The following MSANTD7 variants were observed in gnomAD, a reference collection of about 807,000 sequenced individuals.
The protein encoded by MSANTD7 is zinc finger and SCAN domain containing 29.
the MSANTD7 span, chr10:14,844,012 A>C: frequency 6.9e-7 from 1 of 1,454,612 alleles, no homozygotes; most frequent in South Asian, 1.5e-5. Context: ...TGAACCATTT[A>C]TATCCAGATA....
the MSANTD7 span, chr10:14,844,729 T>C: frequency 9.3e-6 from 9 of 964,668 alleles, no homozygotes; most frequent in East Asian, 3.4e-4. Flanking sequence ...ATTAAATATA[T>C]GTAAATTCTT....
chr10:14,838,328 G>A, the MSANTD7 span: 4 of 1,434,150 alleles, frequency 2.8e-6, no homozygotes, highest in African/African-American at 4.2e-5. Flanking sequence ...GGTGCCTGAT[G>A]GGGCCGTTGG....
chr10:14,839,966 C>A, the MSANTD7 span: 8 of 1,611,408 alleles, frequency 5.0e-6, no homozygotes, highest in African/African-American at 1.1e-4. Flanking sequence ...GCTGTTGTTG[C>A]TTACTCAGAA....
the MSANTD7 span, chr10:14,842,052 C>T: frequency 9.8e-7 from 1 of 1,017,998 alleles, no homozygotes. This position sits in a 1 kb window ranked among gnomAD's most constrained non-coding sequence, Gnocchi z 5.2. Flanking sequence ...TTATGACCTA[C>T]TCACAGGTAG....
the MSANTD7 span, chr10:14,845,603 T>A: frequency 4.2e-5 from 38 of 911,402 alleles, no homozygotes; most frequent in Admixed American, 1.4e-3. Flanking sequence ...TTATTATTTT[T>A]TTTTTTTTGA....
the MSANTD7 span, chr10:14,843,967 G>A: frequency 2.3e-5 from 34 of 1,508,864 alleles, no homozygotes; most frequent in Non-Finnish European, 3.0e-5. Flanking sequence ...CTGAATCCCT[G>A]GCTCCTTTTC....
chr10:14,844,143 C>T, the MSANTD7 span: 1 of 1,316,198 alleles, frequency 7.6e-7, no homozygotes, highest in Non-Finnish European at 9.7e-7. Context: ...GCTGGTTCAT[C>T]CTAGCTTTGT....
At chr10:14,842,245 T>G in the MSANTD7 span, 1 of 1,535,574 alleles carries the variant, frequency 6.5e-7, no homozygotes, top group Non-Finnish European at 8.7e-7. The surrounding 1 kb of genome is among the most constrained non-coding windows in gnomAD (Gnocchi z 5.2). Flanking sequence ...ACTTGCACCT[T>G]GCTGTCCAGA....
the MSANTD7 span, chr10:14,845,362 C>T: frequency 1.3e-5 from 13 of 985,032 alleles, no homozygotes; most frequent in East Asian, 1.1e-4. Flanking sequence ...CTTGCAGGCT[C>T]GAGTGCTTAG....
At chr10:14,846,874 C>T in the MSANTD7 span, 1 of 985,392 alleles carries the variant, frequency 1.0e-6, no homozygotes, top group South Asian at 4.7e-5. Flanking sequence ...GATACACAAC[C>T]ATAGGATTAA....
the MSANTD7 span, chr10:14,842,723 G>A: frequency 1.4e-5 from 22 of 1,536,440 alleles, no homozygotes; most frequent in African/African-American, 4.1e-5. The surrounding 1 kb of genome is among the most constrained non-coding windows in gnomAD (Gnocchi z 5.2). Context: ...GACTCAGGCA[G>A]CTGATCATCA....
chr10:14,840,501 A>AT, the MSANTD7 span, among the ~76,000 whole-genome samples: 9 of 152,136 alleles, frequency 5.9e-5, no homozygotes, highest in African/African-American at 2.2e-4. Context: ...ATGTGGTTGA[A>AT]TTTTGCTGAA....
At chr10:14,838,344 C>A in the MSANTD7 span, 2 of 1,519,328 alleles carry the variant, frequency 1.3e-6, no homozygotes, top group Non-Finnish European at 1.8e-6. Flanking sequence ...GTTGGGCGGC[C>A]GGTAGCTGTT....
the MSANTD7 span, among the ~76,000 whole-genome samples, chr10:14,841,473 G>T: frequency 6.6e-6 from 1 of 152,054 alleles, no homozygotes; most frequent in Non-Finnish European, 1.5e-5. Context: ...CACATTGCTG[G>T]ATTCACCACC....
chr10:14,843,980 T>C, the MSANTD7 span: 2 of 1,486,692 alleles, frequency 1.3e-6, no homozygotes, highest in African/African-American at 2.8e-5. Context: ...TCCTTTTCTG[T>C]GTCCTCAGAA....
At chr10:14,843,177 G>C in the MSANTD7 span, among the ~76,000 whole-genome samples, 1 of 152,136 alleles carries the variant, frequency 6.6e-6, no homozygotes, top group Non-Finnish European at 1.5e-5. Context: ...GGAAGGCAAG[G>C]GAGAAGTTTT....
the MSANTD7 span, chr10:14,838,465 G>A: frequency 6.2e-7 from 1 of 1,601,646 alleles, no homozygotes; most frequent in Admixed American, 1.7e-5. Context: ...ATAAGGTGAG[G>A]GGCTGCGGAG....
At chr10:14,842,271 C>T in the MSANTD7 span, 2 of 1,535,016 alleles carry the variant, frequency 1.3e-6, no homozygotes, top group Non-Finnish European at 1.7e-6. This position sits in a 1 kb window ranked among gnomAD's most constrained non-coding sequence, Gnocchi z 5.2. Flanking sequence ...CCTAGCCCTC[C>T]TTTCCAACCC....
At chr10:14,842,327 C>T in the MSANTD7 span, 1 of 1,536,090 alleles carries the variant, frequency 6.5e-7, no homozygotes, top group Non-Finnish European at 8.7e-7. The surrounding 1 kb of genome is among the most constrained non-coding windows in gnomAD (Gnocchi z 5.2). Flanking sequence ...GTGGTCCAGA[C>T]AGGAGACACG....
Sources: gnomAD v4.1 joint callset for allele counts (sites outside exome capture counted in the v4.1 genomes callset) on GRCh38, gnomAD v4.1.1 for gene constraint, Gnocchi (gnomAD v3.1) non-coding constraint, MANE v1.5 for transcripts, NCBI Gene and HGNC (gene_info 2026-07-23, HGNC 2026-07-21) for gene names.